The following ARHGAP22 variants were observed in gnomAD, a reference collection of about 807,000 sequenced individuals.
ARHGAP22 encodes Rho GTPase activating protein 22, also known as rho GTPase-activating protein 22.
Under a neutral mutation model 59.1 loss-of-function variants are expected in ARHGAP22, and 48 were observed. The observed-to-expected ratio is 0.81, with a 90% CI of 0.64 to 1.03. ARHGAP22 has a LOEUF of 1.03. Among genes scored for constraint, ARHGAP22 ranks in the 50% least tolerant of loss-of-function variants. ARHGAP22 has a pLI of 0.00. For synonymous variants in ARHGAP22, 445 were observed against 416.4 expected (o/e 1.07, Z -0.84); for missense variants, 1,015 against 958.7 (o/e 1.06, Z -0.78).
At chr10:48,541,962 C>T (rs2055992696) in intron 3 of ARHGAP22, among the ~76,000 whole-genome samples, 1 of 152,222 alleles carries the variant, frequency 6.6e-6, no homozygotes, top group South Asian at 2.1e-4. Context: ...ATGCTGGAGC[C>T]TTGCTATCAG....
intron 3 of ARHGAP22, among the ~76,000 whole-genome samples, chr10:48,502,888 C>A (rs1156456431): frequency 6.6e-6 from 1 of 152,220 alleles, no homozygotes; most frequent in Admixed American, 6.5e-5. Flanking sequence ...AGGCATTAAC[C>A]AACATCATCA....
At chr10:48,582,307 G>A (rs1304302857) in intron 2 of ARHGAP22, among the ~76,000 whole-genome samples, 2 of 152,192 alleles carry the variant, frequency 1.3e-5, no homozygotes, top group East Asian at 3.9e-4. Flanking sequence ...ACCCATCACA[G>A]GGACTGGATT....
intron 1 of ARHGAP22, among the ~76,000 whole-genome samples, chr10:48,635,984 G>A (rs1018938905): frequency 5.9e-5 from 9 of 152,318 alleles, no homozygotes; most frequent in South Asian, 4.1e-4. Context: ...GTTGTAAACC[G>A]TGCAAGGTGA....
chr10:48,451,766 C>T, intron 8 of ARHGAP22: 1 of 599,810 alleles, frequency 1.7e-6, no homozygotes, highest in Non-Finnish European at 3.0e-6. Flanking sequence ...CCCAAATCCC[C>T]CAACACACAA....
intron 1 of ARHGAP22, among the ~76,000 whole-genome samples, chr10:48,642,414 A>C (rs2062089375): frequency 6.6e-6 from 1 of 152,236 alleles, no homozygotes; most frequent in African/African-American, 2.4e-5. Flanking sequence ...AACAGAACAG[A>C]GCCCTCAGAA....
intron 2 of ARHGAP22, chr10:48,582,718 A>G: frequency 1.7e-6 from 1 of 577,446 alleles, no homozygotes; most frequent in Non-Finnish European, 3.0e-6. Context: ...GACATTCTCT[A>G]TCAACATTTT....
chr10:48,631,401 G>T (rs1019444095), intron 1 of ARHGAP22, among the ~76,000 whole-genome samples: 1 of 152,056 alleles, frequency 6.6e-6, no homozygotes, highest in African/African-American at 2.4e-5. Flanking sequence ...TTAAGTGTTT[G>T]GTAGAATACA....
intron 5 of ARHGAP22, among the ~76,000 whole-genome samples, chr10:48,457,751 GC>G (rs2046695335): frequency 6.6e-6 from 1 of 152,180 alleles, no homozygotes; most frequent in Non-Finnish European, 1.5e-5. Flanking sequence ...AGGACCTGGG[GC>G]TAAAGGGGAC....
At chr10:48,629,095 T>G (rs764645429) in intron 1 of ARHGAP22, among the ~76,000 whole-genome samples, 8 of 152,238 alleles carry the variant, frequency 5.3e-5, no homozygotes, top group Non-Finnish European at 1.0e-4. Flanking sequence ...AGCTCCCAGC[T>G]GCTAACACCC....
intron 3 of ARHGAP22, among the ~76,000 whole-genome samples, chr10:48,545,940 T>C (rs566634164): frequency 4.6e-4 from 70 of 152,300 alleles, no homozygotes; most frequent in African/African-American, 1.6e-3. Context: ...CCTCTCGTCT[T>C]ACACAGGGGG....
At chr10:48,446,846 T>C (rs1208381138) in intron 9 of ARHGAP22, among the ~76,000 whole-genome samples, 3 of 152,170 alleles carry the variant, frequency 2.0e-5, no homozygotes, top group Non-Finnish European at 4.4e-5. Context: ...GATCCCGAAA[T>C]GCCAACACAA....
chr10:48,642,619 T>C (rs1463558775), intron 1 of ARHGAP22, among the ~76,000 whole-genome samples: 1 of 152,166 alleles, frequency 6.6e-6, no homozygotes, highest in Non-Finnish European at 1.5e-5. Context: ...ATGTTAGACC[T>C]AAAACCATAA....
chr10:48,629,981 A>C (rs1015943392), intron 1 of ARHGAP22, among the ~76,000 whole-genome samples: 1 of 152,344 alleles, frequency 6.6e-6, no homozygotes, highest in South Asian at 2.1e-4. Context: ...ATTTGAAAAA[A>C]ATTAATTTCA....
At chr10:48,529,711 T>C (rs1424010595) in intron 3 of ARHGAP22, among the ~76,000 whole-genome samples, 2 of 152,018 alleles carry the variant, frequency 1.3e-5, no homozygotes, top group African/African-American at 2.4e-5. Flanking sequence ...AGTGAGCAAA[T>C]AAAATGTGTT....
At chr10:48,583,791 C>T (rs568990705) in intron 1 of ARHGAP22, among the ~76,000 whole-genome samples, 16 of 152,272 alleles carry the variant, frequency 1.1e-4, no homozygotes, top group Admixed American at 4.6e-4. Context: ...CATCCCACAG[C>T]GGGGCTTCTT....
At chr10:48,521,235 C>T (rs930157444) in intron 3 of ARHGAP22, among the ~76,000 whole-genome samples, 1 of 152,150 alleles carries the variant, frequency 6.6e-6, no homozygotes, top group Non-Finnish European at 1.5e-5. Flanking sequence ...CACAGCATAT[C>T]ACACCCTCCC....
At chr10:48,554,428 G>A (rs997747678) in intron 3 of ARHGAP22, among the ~76,000 whole-genome samples, 5 of 152,122 alleles carry the variant, frequency 3.3e-5, no homozygotes, top group African/African-American at 1.2e-4. Context: ...CCACAGTGAG[G>A]CCCTAGCACA....
At chr10:48,491,179 C>G (rs572389648) in intron 3 of ARHGAP22, among the ~76,000 whole-genome samples, 12 of 152,312 alleles carry the variant, frequency 7.9e-5, no homozygotes, top group African/African-American at 2.6e-4. Context: ...TCGCAGTGAG[C>G]CTGAAGGCCC....
intron 3 of ARHGAP22, among the ~76,000 whole-genome samples, chr10:48,522,382 G>A (rs2053888437): frequency 6.6e-6 from 1 of 152,242 alleles, no homozygotes; most frequent in Non-Finnish European, 1.5e-5. Context: ...CTGGACTGGT[G>A]AAGCCAGCAG....
Sources: allele counts gnomAD v4.1 joint callset (sites outside exome capture counted in the v4.1 genomes callset), GRCh38; gene constraint gnomAD v4.1.1; transcripts MANE v1.5; gene names NCBI Gene and HGNC (gene_info 2026-07-23, HGNC 2026-07-21).